The following RAB27B variants were observed in gnomAD, a reference collection of about 807,000 sequenced individuals.
RAB27B encodes the protein RAB27B, member RAS oncogene family, also known as ras-related protein Rab-27B.
A neutral mutation model predicts 24.6 loss-of-function variants in RAB27B; 15 were observed. The ratio of observed to expected loss-of-function variants is 0.61; its 90% confidence interval spans 0.41 to 0.94. The LOEUF is 0.94. Ranked by LOEUF, RAB27B falls within the 40% of genes least tolerant of loss-of-function variation. The pLI is 0.00. For synonymous variants in RAB27B, 105 were observed against 92.5 expected (o/e 1.14, Z -0.78); for missense variants, 261 against 266.8 (o/e 0.98, Z 0.15).
chr18:54,799,044 A>G (rs971515478), intron 2 of RAB27B, among the ~76,000 whole-genome samples: 1 of 152,204 alleles, frequency 6.6e-6, no homozygotes, highest in African/African-American at 2.4e-5. Flanking sequence ...TAAAATTACT[A>G]TTGTCATTGA....
chr18:54,837,237 G>C (rs1460181433), intron 1 of RAB27B, among the ~76,000 whole-genome samples: 2 of 152,124 alleles, frequency 1.3e-5, no homozygotes, highest in Admixed American at 1.3e-4. Flanking sequence ...AGAGAGATCA[G>C]TGAGGAGTGG....
At chr18:54,873,784 T>C (rs1045863353) in intron 1 of RAB27B, among the ~76,000 whole-genome samples, 10 of 151,534 alleles carry the variant, frequency 6.6e-5, no homozygotes, top group African/African-American at 2.4e-4. Context: ...AGAGTAGTGA[T>C]ATAAAAAATA....
chr18:54,747,024 C>T (rs2145023596), intron 2 of RAB27B, among the ~76,000 whole-genome samples: 1 of 152,218 alleles, frequency 6.6e-6, no homozygotes, highest in East Asian at 1.9e-4. Flanking sequence ...AAAATAAAAT[C>T]AGTCTCCATG....
rs999146984 is a variant in RAB27B, at chr18:54,893,104, G to C, written c.*3691G>C. 4 of 152,072 alleles carry C rather than the reference G, an allele frequency of 2.6e-5. No homozygotes were observed. Among genetic ancestry groups the C allele is most frequent in the Non-Finnish European group, 4.4e-5 (3 of 67,946 alleles). 9.4% of individuals were successfully genotyped at this position (152,072 alleles called of 1,614,324 possible). ...GAAGCAATATTGTGCAACTGGTGCA[G>C]TGGTGAGTTAATCATAGTGTATAAC... On this transcript the variant is annotated 3_prime_UTR_variant, in exon 6 of 6. Transcript: ENST00000262094.
chr18:54,883,848 C>T (rs1598993730), intron 3 of RAB27B, among the ~76,000 whole-genome samples: 1 of 152,216 alleles, frequency 6.6e-6, no homozygotes, highest in African/African-American at 2.4e-5. Context: ...CAATATTCTT[C>T]CTTACAAAAG....
chr18:54,729,108 T>C (rs999109225), intron 2 of RAB27B, among the ~76,000 whole-genome samples: 2 of 152,012 alleles, frequency 1.3e-5, no homozygotes, highest in African/African-American at 4.8e-5. Context: ...CTGACGTAGT[T>C]ACCTGTGAAA....
intron 2 of RAB27B, among the ~76,000 whole-genome samples, chr18:54,748,383 T>C (rs930173906): frequency 6.6e-6 from 1 of 151,584 alleles, no homozygotes; most frequent in African/African-American, 2.4e-5. Flanking sequence ...GGATTCACTA[T>C]GATATATGTC....
intron 2 of RAB27B, among the ~76,000 whole-genome samples, chr18:54,738,733 T>C (rs1315192347): frequency 1.3e-5 from 2 of 152,236 alleles, no homozygotes; most frequent in East Asian, 3.8e-4. Flanking sequence ...CACATTCATC[T>C]GTTTTTTAAT....
intron 2 of RAB27B, among the ~76,000 whole-genome samples, chr18:54,759,806 A>G (rs143748219): frequency 3.2e-4 from 48 of 152,292 alleles, no homozygotes; most frequent in African/African-American, 1.1e-3. Context: ...GTACAGCCTG[A>G]TGGCTGGACT....
chr18:54,729,242 A>C (rs1221976056), intron 2 of RAB27B, among the ~76,000 whole-genome samples: 1 of 152,186 alleles, frequency 6.6e-6, no homozygotes, highest in Admixed American at 6.5e-5. Flanking sequence ...GGGAAGCATA[A>C]ATACAAGGGG....
chr18:54,870,927 G>A (rs1912437835), intron 1 of RAB27B, among the ~76,000 whole-genome samples: 1 of 151,842 alleles, frequency 6.6e-6, no homozygotes, highest in South Asian at 2.1e-4. Flanking sequence ...GAAGCTGAGT[G>A]ATCGATTATA....
chr18:54,719,884 A>T (rs926906672), intron 2 of RAB27B, among the ~76,000 whole-genome samples: 3 of 152,110 alleles, frequency 2.0e-5, no homozygotes, highest in Non-Finnish European at 4.4e-5. Context: ...CTTAAACTTC[A>T]GTTTCATGTC....
intron 1 of RAB27B, among the ~76,000 whole-genome samples, chr18:54,872,975 G>A (rs904297152): frequency 6.6e-6 from 1 of 152,226 alleles, no homozygotes; most frequent in Non-Finnish European, 1.5e-5. Flanking sequence ...CAGGAGCTGA[G>A]AGATAGAGTG....
intron 2 of RAB27B, among the ~76,000 whole-genome samples, chr18:54,732,287 T>G (rs1478380213): frequency 6.6e-6 from 1 of 152,242 alleles, no homozygotes; most frequent in Non-Finnish European, 1.5e-5. Context: ...ATTCCAGGTC[T>G]GAGTTCTTTT....
At position 54,858,894 on chromosome 18, in the gene RAB27B, A is replaced by G. The variant is rs557621686; in HGVS notation, c.-19-18673A>G. On this transcript the variant is annotated intron_variant, in intron 1 of 5. Transcript: ENST00000262094. ...GGACCGTCAATAAACTGGAAGTGTC[A>G]GATACGGCAAATCTATTCTTTGTGA... is the stretch of plus-strand genomic sequence containing the variant. Among the ~76,000 whole-genome samples the G allele has an allele frequency of 1.5e-3, 223 of 152,344 alleles. 1 individual carries two copies. The highest frequency in any genetic ancestry group is 5.0e-3 in the African/African-American group (209 of 41,572).
At chr18:54,879,256 A>G (rs1912824845) in intron 2 of RAB27B, 113 bp from the exon 3 acceptor site, 1 of 780,494 alleles carries the variant, frequency 1.3e-6, no homozygotes, top group Non-Finnish European at 2.3e-6. Context: ...TTTATTCTGC[A>G]CTATGAACTT....
At chr18:54,856,443 GA>G in intron 1 of RAB27B, among the ~76,000 whole-genome samples, 1 of 152,320 alleles carries the variant, frequency 6.6e-6, no homozygotes, top group Non-Finnish European at 1.5e-5. Context: ...GAAGCCACTG[GA>G]AAATATTAAG....
chr18:54,801,872 C>T (rs1909623507), intron 2 of RAB27B, among the ~76,000 whole-genome samples: 1 of 152,248 alleles, frequency 6.6e-6, no homozygotes, highest in African/African-American at 2.4e-5. Context: ...TTGCTATCCG[C>T]TATTAAAATT....
intron 3 of RAB27B, among the ~76,000 whole-genome samples, chr18:54,881,260 A>G (rs1230788049): frequency 3.3e-5 from 5 of 152,172 alleles, no homozygotes; most frequent in Non-Finnish European, 1.5e-5. Flanking sequence ...GTCAAGCTCA[A>G]ATCTGTCTTT....
Sources: allele counts gnomAD v4.1 joint callset (sites outside exome capture counted in the v4.1 genomes callset), GRCh38; gene constraint gnomAD v4.1.1; transcripts MANE v1.5; gene names NCBI Gene and HGNC (gene_info 2026-07-23, HGNC 2026-07-21).